Variants in RPL34 observed in about 807,000 individuals in gnomAD.
RPL34 encodes large ribosomal subunit protein eL34.
Under a neutral mutation model 16.3 loss-of-function variants are expected in RPL34, and 2 were observed. That is an observed-to-expected ratio of 0.12 (90% confidence interval 0.05 to 0.39). RPL34 has a LOEUF of 0.39. Ranked by LOEUF, RPL34 falls within the 10% of genes least tolerant of loss-of-function variation. RPL34 has a pLI of 0.99. For synonymous variants in RPL34, 47 were observed against 48.5 expected (o/e 0.97, Z 0.13); for missense variants, 82 against 148.8 (o/e 0.55, Z 2.33).
chr4:108,626,839 G>C (rs1368481801), downstream of RPL34, among the ~76,000 whole-genome samples: 1 of 152,158 alleles, frequency 6.6e-6, no homozygotes, highest in Non-Finnish European at 1.5e-5. Context: ...TACCTGGGGA[G>C]TTCAGTAAAT....
intron 1 of RPL34, chr4:108,620,905 A>G (rs1165306346): frequency 6.6e-6 from 1 of 152,280 alleles, no homozygotes; most frequent in Non-Finnish European, 1.5e-5. Context: ...AAAATCGCCA[A>G]ACGTTTTCAT....
chr4:108,626,718 C>CGTG (rs1485872724), downstream of RPL34, among the ~76,000 whole-genome samples: 4 of 152,072 alleles, frequency 2.6e-5, no homozygotes, highest in East Asian at 7.8e-4. Flanking sequence ...AGATTACAGG[C>CGTG]GTGAGCCCTT....
intron 3 of RPL34, 66 bp downstream of exon 3, chr4:108,622,270 C>T (rs1304197387): frequency 7.7e-6 from 9 of 1,169,620 alleles, no homozygotes; most frequent in African/African-American, 3.0e-5. Context: ...CATCCCTTGA[C>T]GATGGAATGA....
At chr4:108,626,965 C>T (rs143419145), downstream of RPL34, among the ~76,000 whole-genome samples, 7 of 152,250 alleles carry the variant, frequency 4.6e-5, no homozygotes, top group East Asian at 7.8e-4. Context: ...TCTGGCTGGA[C>T]GCCGTGGTTC....
downstream of RPL34, among the ~76,000 whole-genome samples, chr4:108,626,208 T>C (rs1016727295): frequency 1.3e-5 from 2 of 152,058 alleles, no homozygotes; most frequent in Non-Finnish European, 2.9e-5. Context: ...AATCTTGGCT[T>C]GCTGCAACCT....
At position 108,622,085 on chromosome 4, in the gene RPL34, C is replaced by T. The variant is rs1725803470; in HGVS notation, c.66-20C>T. On this transcript the variant is annotated intron_variant, in intron 2 of 4. Coordinates refer to ENST00000394667, the MANE Select transcript of RPL34 (RefSeq NM_001319236.2). Reference sequence around the variant, plus strand: ...ATTTACTCTACAAAATGCTGACCTACTGACTGTTTCACTTTCTAGGTCCCG... The same window carrying T: ...ATTTACTCTACAAAATGCTGACCTATTGACTGTTTCACTTTCTAGGTCCCG... The T allele has an allele frequency of 6.3e-7, 1 of 1,596,892 alleles. No homozygotes were observed. The highest frequency in any genetic ancestry group is 8.6e-7 in the Non-Finnish European group (1 of 1,164,284).
downstream of RPL34, among the ~76,000 whole-genome samples, chr4:108,628,130 A>G (rs1023701727): frequency 2.6e-5 from 4 of 152,246 alleles, no homozygotes; most frequent in Non-Finnish European, 4.4e-5. Context: ...CAACATTCAT[A>G]GTCTCAAACG....
At chr4:108,621,402 G>C (rs1267183015) in intron 1 of RPL34, 1 of 156,870 alleles carries the variant, frequency 6.4e-6, no homozygotes, top group Non-Finnish European at 1.4e-5. Flanking sequence ...TAAAGGGTAT[G>C]CCTTTACGCA....
downstream of RPL34, among the ~76,000 whole-genome samples, chr4:108,627,834 C>T (rs1726066567): frequency 1.3e-5 from 2 of 151,756 alleles, no homozygotes; most frequent in Admixed American, 6.6e-5. Flanking sequence ...TGCACTCCAG[C>T]CTGAGTGACA....
chr4:108,620,615 C>G lies in RPL34; in HGVS notation c.-10+15C>G. 6.9e-6 allele frequency: 2 copies of G among 290,976 alleles called. No homozygotes were observed. Among genetic ancestry groups the G allele is most frequent in the South Asian group, 2.9e-5 (1 of 34,590 alleles). The allele number at this position is 290,976 out of a possible 1,614,324, so 18.0% of individuals were successfully genotyped here. ...GTTGTCTGCAGGTATGGATGTTGTT[C>G]TCTTTTCCCTGTCTTTATTTCCTTA... On this transcript the variant is annotated intron_variant, in intron 1 of 4. Coordinates refer to ENST00000394667, the MANE Select transcript of RPL34 (RefSeq NM_001319236.2).
intron 4 of RPL34, among the ~76,000 whole-genome samples, chr4:108,624,713 T>C (rs1479482417): frequency 2.0e-5 from 3 of 152,220 alleles, no homozygotes; most frequent in Non-Finnish European, 2.9e-5. Context: ...CTTGCTAATA[T>C]CCCTTTACCT....
chr4:108,625,138 G>A lies in RPL34; in HGVS notation c.280G>A (p.Ala94Thr), dbSNP rs148986705. 2.5e-6 allele frequency: 4 copies of A among 1,606,174 alleles called. No homozygotes were observed. Among genetic ancestry groups the A allele is most frequent in the Non-Finnish European group, 3.4e-6 (4 of 1,174,758 alleles). The change falls in exon 5 of 5, where the codon GCT becomes ACT. Residue 94 changes from alanine (A) to threonine (T), a missense_variant. Physicochemically the swap from Ala to Thr is moderately conservative, Grantham distance 58. Transcript: ENST00000394667. ...TATTTTCCTTTCTAGGATCAAGCGT[G>A]CTTTCCTTATCGAGGAGCAGAAAAT... is the stretch of plus-strand genomic sequence containing the variant. ...AKCVRDRIKR[A>T]FLIEEQKIVV...
downstream of RPL34, among the ~76,000 whole-genome samples, chr4:108,627,436 G>A (rs1726051287): frequency 6.6e-6 from 1 of 152,082 alleles, no homozygotes; most frequent in Admixed American, 6.5e-5. Flanking sequence ...AAAAAAATGG[G>A]ATTTCATAAC....
chr4:108,622,928 A>C (rs1725845985), intron 4 of RPL34: 1 of 240,182 alleles, frequency 4.2e-6, no homozygotes, highest in Admixed American at 4.9e-5. Context: ...GTGTAGGAAC[A>C]GAAGAGTTGT....
At chr4:108,621,578 G>A (rs770369171) in intron 1 of RPL34, 20 of 243,422 alleles carry the variant, frequency 8.2e-5, no homozygotes, top group Non-Finnish European at 1.4e-4. Flanking sequence ...CCAGTAAATG[G>A]CATAGCTAAG....
rs993163798 is a variant in RPL34 at position 108,622,360 on chromosome 4, TA to T, written c.166-152del. 7 of 811,750 alleles carry T rather than the reference TA, an allele frequency of 8.6e-6. No homozygotes were observed. In the African/African-American group the frequency reaches 1.2e-4, roughly 14 times the overall value. 50.3% of individuals were successfully genotyped at this position (811,750 alleles called of 1,614,324 possible). On this transcript the variant is annotated intron_variant, in intron 3 of 4. Coordinates refer to ENST00000394667, the MANE Select transcript of RPL34 (RefSeq NM_001319236.2). ...AAATCTGCCACGAACATAGACTTTT[TA>T]AACCAATCTGAGAAATGCAGTGAAA... is the stretch of plus-strand genomic sequence containing the variant.
At chr4:108,622,464 G>A in intron 3 of RPL34, 51 bp from the exon 4 acceptor site, 1 of 1,418,502 alleles carries the variant, frequency 7.0e-7, no homozygotes, top group Non-Finnish European at 9.9e-7. Flanking sequence ...ACAAAATTTA[G>A]GGAAATTTCT....
chr4:108,624,687 T>C (rs535642264), intron 4 of RPL34, among the ~76,000 whole-genome samples: 1 of 152,332 alleles, frequency 6.6e-6, no homozygotes, highest in East Asian at 1.9e-4. Context: ...AAATCCTTGC[T>C]CTTGGTGAGG....
At chr4:108,626,318 A>G (rs1725998418), downstream of RPL34, among the ~76,000 whole-genome samples, 1 of 151,776 alleles carries the variant, frequency 6.6e-6, no homozygotes, top group African/African-American at 2.4e-5. Flanking sequence ...TTTTTTGAGA[A>G]ACAGTTTCAC....
Sources: gnomAD v4.1 joint callset for allele counts (sites outside exome capture counted in the v4.1 genomes callset) on GRCh38, gnomAD v4.1.1 for gene constraint, MANE v1.5 for transcripts, NCBI Gene and HGNC (gene_info 2026-07-23, HGNC 2026-07-21) for gene names.